The following GABRB3 variants were observed in gnomAD, a reference collection of about 807,000 sequenced individuals.
GABRB3 encodes gamma-aminobutyric acid type A receptor subunit beta3, also known as gamma-aminobutyric acid receptor subunit beta-3.
Under a neutral mutation model 52.1 loss-of-function variants are expected in GABRB3, and 14 were observed. The ratio of observed to expected loss-of-function variants is 0.27; its 90% CI spans 0.18 to 0.42. The LOEUF (loss-of-function observed/expected upper bound fraction) is 0.42. Ranked by LOEUF, GABRB3 falls within the 10% of genes least tolerant of loss-of-function variation. GABRB3 has a pLI of 1.00. For synonymous variants in GABRB3, 260 were observed against 232.3 expected (o/e 1.12, Z -1.08); for missense variants, 307 against 609.1 (o/e 0.50, Z 5.22).
Position 26,772,473 on chromosome 15 carries a change from C to G in GABRB3, c.173-4G>C. On this transcript the variant is annotated splice_region_variant and splice_polypyrimidine_tract_variant and intron_variant, in intron 2 of 8. Transcript: ENST00000311550. ...ATCCCCACGCAGACCGGGGGACCTG[C>G]GGGAAGCACAGGACACGGCGATCAG... is the stretch of plus-strand genomic sequence containing the variant. The G allele has an allele frequency of 6.2e-7, 1 of 1,609,888 alleles. No homozygotes were observed. The highest frequency in any genetic ancestry group is 8.5e-7 in the Non-Finnish European group (1 of 1,178,160).
chr15:26,683,817 G>C (rs1888316719), intron 3 of GABRB3, among the ~76,000 whole-genome samples: 1 of 152,136 alleles, frequency 6.6e-6, no homozygotes, highest in Admixed American at 6.5e-5. Flanking sequence ...GACCTGGCTT[G>C]TGGAAAAGGA....
intron 4 of GABRB3, among the ~76,000 whole-genome samples, chr15:26,601,242 C>T (rs1354772135): frequency 2.0e-5 from 3 of 151,984 alleles, no homozygotes; most frequent in Non-Finnish European, 4.4e-5. Context: ...GCCAACATGG[C>T]AAAACCCGGT....
chr15:26,605,050 G>A (rs944832172), intron 4 of GABRB3, among the ~76,000 whole-genome samples: 2 of 152,066 alleles, frequency 1.3e-5, no homozygotes. Context: ...GCATGTATAA[G>A]GTGCTCAAAC....
chr15:26,705,690 A>G (rs1217230219), intron 3 of GABRB3, among the ~76,000 whole-genome samples: 1 of 152,212 alleles, frequency 6.6e-6, no homozygotes, highest in Non-Finnish European at 1.5e-5. Flanking sequence ...GACACCAATC[A>G]GTGCAGACAA....
intron 3 of GABRB3, among the ~76,000 whole-genome samples, chr15:26,652,213 T>C (rs2140592293): frequency 6.6e-6 from 1 of 152,348 alleles, no homozygotes; most frequent in East Asian, 1.9e-4. Context: ...CACCTATGAC[T>C]TGCAAGCCCC....
chr15:26,616,119 C>T (rs147725638), intron 4 of GABRB3: 1 of 1,271,690 alleles, frequency 7.9e-7, no homozygotes, highest in African/African-American at 1.5e-5. Flanking sequence ...CACTCCGGGC[C>T]TGCCATGTCA....
chr15:26,562,294 C>T (rs930125045), intron 7 of GABRB3, among the ~76,000 whole-genome samples: 2 of 152,212 alleles, frequency 1.3e-5, no homozygotes, highest in African/African-American at 2.4e-5. Context: ...AGCAAGACAG[C>T]TTTGAGGGCT....
chr15:26,575,336 G>C (rs898028636), intron 6 of GABRB3, among the ~76,000 whole-genome samples: 1 of 152,192 alleles, frequency 6.6e-6, no homozygotes, highest in African/African-American at 2.4e-5. Context: ...ATTTTGGACT[G>C]AGAGATTAGG....
intron 3 of GABRB3, among the ~76,000 whole-genome samples, chr15:26,732,886 T>C (rs1490102236): frequency 1.3e-5 from 2 of 152,044 alleles, no homozygotes; most frequent in African/African-American, 4.8e-5. Context: ...TCATCCCAGC[T>C]ACTCTGGAGG....
At chr15:26,734,850 A>G (rs753486089) in intron 3 of GABRB3, among the ~76,000 whole-genome samples, 12 of 152,228 alleles carry the variant, frequency 7.9e-5, no homozygotes, top group Non-Finnish European at 1.5e-4. Context: ...TGGGAAGTTG[A>G]GGCTGCAGTG....
intron 3 of GABRB3, among the ~76,000 whole-genome samples, chr15:26,762,164 G>C (rs1351733630): frequency 6.6e-6 from 1 of 152,056 alleles, no homozygotes; most frequent in East Asian, 1.9e-4. Flanking sequence ...ATAGGTACAA[G>C]AACATAAGAA....
chr15:26,773,390 G>T (rs1479800658), upstream of GABRB3, among the ~76,000 whole-genome samples: 1 of 150,966 alleles, frequency 6.6e-6, no homozygotes, highest in African/African-American at 2.4e-5. Flanking sequence ...GGGGCGGGGG[G>T]TCGTCCCCTG....
At chr15:26,716,210 A>T (rs957062089) in intron 3 of GABRB3, among the ~76,000 whole-genome samples, 1 of 152,222 alleles carries the variant, frequency 6.6e-6, no homozygotes, top group Non-Finnish European at 1.5e-5. Flanking sequence ...GCTCTCAGCA[A>T]CTGAATGCTA....
intron 4 of GABRB3, among the ~76,000 whole-genome samples, chr15:26,602,007 G>T (rs1379259051): frequency 1.3e-5 from 2 of 152,090 alleles, no homozygotes; most frequent in African/African-American, 4.8e-5. Flanking sequence ...TCTATTGCCT[G>T]CAAGAAATAC....
chr15:26,633,648 G>A (rs925379991), intron 3 of GABRB3, among the ~76,000 whole-genome samples: 5 of 152,104 alleles, frequency 3.3e-5, no homozygotes, highest in Admixed American at 2.0e-4. Context: ...ATACTGTGGC[G>A]AGCAATATCC....
At chr15:26,622,304 A>G (rs1193284917) in intron 3 of GABRB3, among the ~76,000 whole-genome samples, 1 of 152,220 alleles carries the variant, frequency 6.6e-6, no homozygotes, top group Non-Finnish European at 1.5e-5. Context: ...CAGTTAGTTT[A>G]TCGAGAACAA....
intron 3 of GABRB3, among the ~76,000 whole-genome samples, chr15:26,752,245 A>G (rs959806476): frequency 8.9e-5 from 13 of 146,194 alleles, no homozygotes; most frequent in African/African-American, 3.4e-4. Flanking sequence ...TTATTTATTT[A>G]TTTATTTATT....
At chr15:26,660,464 A>C (rs1407491176) in intron 3 of GABRB3, among the ~76,000 whole-genome samples, 1 of 152,180 alleles carries the variant, frequency 6.6e-6, no homozygotes, top group Non-Finnish European at 1.5e-5. Context: ...TAGAGGATAA[A>C]TACATCAGAG....
intron 3 of GABRB3, among the ~76,000 whole-genome samples, chr15:26,631,894 A>G (rs980266291): frequency 4.6e-5 from 7 of 152,146 alleles, no homozygotes; most frequent in Non-Finnish European, 8.8e-5. Flanking sequence ...TTGATTATCT[A>G]CCATAGGCCA....
Sources: allele counts gnomAD v4.1 joint callset (sites outside exome capture counted in the v4.1 genomes callset), GRCh38; gene constraint gnomAD v4.1.1; transcripts MANE v1.5; gene names NCBI Gene and HGNC (gene_info 2026-07-23, HGNC 2026-07-21).